The following PTPN3 variants were observed in gnomAD, a reference collection of about 807,000 sequenced individuals.
PTPN3 encodes tyrosine-protein phosphatase non-receptor type 3.
In PTPN3, 96 loss-of-function variants were observed where a neutral mutation model predicts 132.7. The observed-to-expected ratio is 0.72, with a 90% CI of 0.61 to 0.86. The LOEUF is 0.86. PTPN3 is among the 40% of genes least tolerant of loss of function. The pLI is 0.00. For synonymous variants in PTPN3, 398 were observed against 429.0 expected, an observed-to-expected ratio of 0.93 and a Z score of 0.89; for missense variants, 1,125 against 1,159.6, an observed-to-expected ratio of 0.97 and a Z score of 0.43.
At chr9:109,405,992 A>G (rs544136730) in intron 18 of PTPN3, among the ~76,000 whole-genome samples, 74 of 152,324 alleles carry the variant, frequency 4.9e-4, no homozygotes, top group Non-Finnish European at 9.6e-4. Flanking sequence ...AACCCCTGCA[A>G]GGTCCCCCAG....
chr9:109,530,444 C>T, the PTPN3 span, among the ~76,000 whole-genome samples: 1 of 152,032 alleles, frequency 6.6e-6, no homozygotes. Context: ...ATGAATATAC[C>T]ATATTGTGTT....
chr9:109,403,805 C>T (rs1741003035), intron 19 of PTPN3, among the ~76,000 whole-genome samples: 1 of 152,072 alleles, frequency 6.6e-6, no homozygotes, highest in South Asian at 2.1e-4. Context: ...CCTTTGGTTC[C>T]CTTTTGTTTT....
In PTPN3 at chr9:109,490,855, G is replaced by GTTT. The variant is rs59097484; in HGVS notation, c.-18+7361_-18+7363dup. Among the ~76,000 whole-genome samples, 532 of 146,934 alleles carry GTTT rather than the reference G, an allele frequency of 3.6e-3. 2 individuals carry two copies. Among genetic ancestry groups the GTTT allele is most frequent in the African/African-American group, 5.8e-3 (232 of 39,958 alleles). On this transcript the variant is annotated intron_variant, in intron 1 of 25. Transcript: ENST00000374541. The stretch of plus-strand genomic sequence containing the variant: ...AACCGTACGCAACCCATTTATAAGA[G>GTTT]TTTTTTTTTTTTTGCTATAAAAAAG...
the PTPN3 span, chr9:109,534,428 G>T: frequency 7.4e-7 from 1 of 1,355,748 alleles, no homozygotes; most frequent in Non-Finnish European, 9.6e-7. Context: ...GGGCTGCTCA[G>T]GGCTCTCTGG....
chr9:109,533,318 G>A, the PTPN3 span: 1 of 429,898 alleles, frequency 2.3e-6, no homozygotes, highest in Admixed American at 3.7e-5. Context: ...CTAATTTTTT[G>A]TATTTTTAGT....
At chr9:109,516,042 C>T in the PTPN3 span, among the ~76,000 whole-genome samples, 1 of 152,172 alleles carries the variant, frequency 6.6e-6, no homozygotes, top group South Asian at 2.1e-4. Flanking sequence ...GCTGGGGTGT[C>T]CAGTGCACTC....
rs1194848017 is a variant in PTPN3 at position 109,383,404 on chromosome 9, C to T, written c.2382+19G>A. ...TTCAGCACCTGCCCCTCCACCGTGC[C>T]CCTCAGGCTGCGGCTCACCTGGGTG... On this transcript the variant is annotated intron_variant, in intron 23 of 25. Transcript: ENST00000374541. 6 of 1,614,112 alleles carry T rather than the reference C, an allele frequency of 3.7e-6. No individual in the cohort carries two copies. Among genetic ancestry groups the T allele is most frequent in the Non-Finnish European group, 5.1e-6 (6 of 1,179,998 alleles).
At chr9:109,386,146 T>C (rs540907647) in intron 22 of PTPN3, among the ~76,000 whole-genome samples, 1 of 152,226 alleles carries the variant, frequency 6.6e-6, no homozygotes, top group South Asian at 2.1e-4. Flanking sequence ...TGGGCAGTGA[T>C]GAAGATGAGA....
the PTPN3 span, among the ~76,000 whole-genome samples, chr9:109,520,844 C>T: frequency 3.8e-4 from 58 of 152,286 alleles, no homozygotes; most frequent in African/African-American, 1.1e-3. Flanking sequence ...TTGATCCTGC[C>T]CACACAATTT....
chr9:109,463,622 T>C (rs982351279), intron 1 of PTPN3, among the ~76,000 whole-genome samples, 171 bp from the exon 2 acceptor site: 1 of 152,238 alleles, frequency 6.6e-6, no homozygotes, highest in Non-Finnish European at 1.5e-5. Context: ...TAAGATGCTC[T>C]AAGCAATATG....
the PTPN3 span, among the ~76,000 whole-genome samples, chr9:109,530,388 T>C: frequency 6.6e-6 from 1 of 152,252 alleles, no homozygotes; most frequent in African/African-American, 2.4e-5. Flanking sequence ...TGTTGAAGCA[T>C]GTGTCAGAAT....
At chr9:109,451,066 G>A in intron 5 of PTPN3, 5 of 972,542 alleles carry the variant, frequency 5.1e-6, no homozygotes, top group Non-Finnish European at 6.1e-6. Context: ...TTTAAAGCAT[G>A]TGAATTAATG....
chr9:109,455,264 G>A (rs939067143), intron 4 of PTPN3, among the ~76,000 whole-genome samples: 2 of 152,178 alleles, frequency 1.3e-5, no homozygotes, highest in African/African-American at 4.8e-5. Flanking sequence ...ATTTGCTTGT[G>A]TGGATAAAAT....
intron 22 of PTPN3, 101 bp downstream of exon 22, chr9:109,389,132 G>A (rs1839841113): frequency 6.9e-7 from 1 of 1,451,998 alleles, no homozygotes; most frequent in South Asian, 1.4e-5. Flanking sequence ...CATACGGGCT[G>A]GACCAGGAGA....
chr9:109,480,150 G>T (rs1284343843), intron 1 of PTPN3, among the ~76,000 whole-genome samples: 1 of 152,050 alleles, frequency 6.6e-6, no homozygotes, highest in East Asian at 1.9e-4. Flanking sequence ...CAAGTCTTCT[G>T]CCCATTTTTA....
At chr9:109,381,502 C>T (rs1588279817) in intron 25 of PTPN3, 150 bp downstream of exon 25, 1 of 1,150,900 alleles carries the variant, frequency 8.7e-7, no homozygotes, top group Non-Finnish European at 1.3e-6. Flanking sequence ...TGGGTGTGGG[C>T]TGTAGCCACT....
Position 109,410,241 on chromosome 9 carries a change from G to A in PTPN3, c.1488C>T (p.Tyr496=), listed in dbSNP as rs145875554. The A allele has an allele frequency of 3.7e-6, 6 of 1,614,066 alleles. No individual in the cohort carries two copies. In the Admixed American group the frequency reaches 5.0e-5, roughly 13 times the overall value. ...TGCGCTCGCTCACCTTGTCACAGTAGTACTGGCTGGCGTCCTCGGTGGAGC... is the reference window on the plus strand; with the variant it reads ...TGCGCTCGCTCACCTTGTCACAGTAATACTGGCTGGCGTCCTCGGTGGAGC... ...KGGSTEDASQ[Y]YCDKNDNGDS... The change falls in exon 15 of 26, where the codon TAC becomes TAT. Residue 496 remains tyrosine, a synonymous_variant. Coordinates refer to ENST00000374541, the MANE Select transcript of PTPN3 (RefSeq NM_002829.4).
At chr9:109,447,561 A>G (rs1176667636) in intron 6 of PTPN3, among the ~76,000 whole-genome samples, 2 of 152,136 alleles carry the variant, frequency 1.3e-5, no homozygotes, top group East Asian at 1.9e-4. Flanking sequence ...TGAGAATTCT[A>G]TAATTCTATG....
chr9:109,387,106 C>T (rs13340652), intron 22 of PTPN3, among the ~76,000 whole-genome samples: 2,625 of 152,224 alleles, frequency 0.017, 70 homozygotes, highest in African/African-American at 0.058. Flanking sequence ...GAGCTCAGGG[C>T]GTGTACCACC....
Sources: allele counts gnomAD v4.1 joint callset (sites outside exome capture counted in the v4.1 genomes callset), GRCh38; gene constraint gnomAD v4.1.1; transcripts MANE v1.5; gene names NCBI Gene and HGNC (gene_info 2026-07-23, HGNC 2026-07-21).